Variants in TBC1D25 observed in about 807,000 individuals in gnomAD.
TBC1D25 encodes the protein 5SN3 snoRNA.
In TBC1D25, 13 loss-of-function variants were observed where a neutral mutation model predicts 38.8. The ratio of observed to expected loss-of-function variants is 0.34; its 90% confidence interval spans 0.22 to 0.53. TBC1D25 has a LOEUF of 0.53. Among genes scored for constraint, TBC1D25 ranks in the 20% least tolerant of loss-of-function variants. The probability of loss-of-function intolerance (pLI) is 0.94; values close to 1 mark genes in which losing one functional copy is unlikely to be tolerated. For missense variants in TBC1D25, 372 were observed against 600.0 expected (o/e 0.62, Z 3.97); for synonymous variants, 225 against 255.6 (o/e 0.88, Z 1.14).
At position 48,560,239 on chromosome X, in the gene TBC1D25, A is replaced by G; in HGVS notation, c.1331A>G (p.Glu444Gly). Residue 444 changes from glutamate to glycine, a missense_variant, in exon 6 of 6, where the codon GAG becomes GGG. Physicochemically the swap from Glu to Gly is moderately conservative, Grantham distance 98 (BLOSUM62 -2). Transcript: ENST00000376771. ...CCTGATCCTCCTGAACATGAGGTAG[A>G]GCTGGTTGGACCCCCCAGCCAAGTG... ...LPPDPPEHEV[E>G]LVGPPSQVAD... The G allele has an allele frequency of 8.3e-7, 1 of 1,211,133 alleles. No individual in the cohort carries two copies. The highest frequency in any genetic ancestry group is 1.1e-6 in the Non-Finnish European group (1 of 895,250).
At chrX:48,550,621 C>T (rs1454112873) in intron 3 of TBC1D25, among the ~76,000 whole-genome samples, 2 of 106,985 alleles carry the variant, frequency 1.9e-5, no homozygotes, top group East Asian at 2.9e-4. Flanking sequence ...GGACTACAGG[C>T]GATAAGCTTT....
chrX:48,544,232 TAAC>T (rs1210395763), intron 2 of TBC1D25, among the ~76,000 whole-genome samples: 15 of 111,255 alleles, frequency 1.3e-4, no homozygotes, highest in African/African-American at 4.2e-4. Flanking sequence ...TTGTGAAAAA[TAAC>T]AAACACAGAT....
At chrX:48,542,134 G>A (rs1225216408) in intron 2 of TBC1D25, among the ~76,000 whole-genome samples, 5 of 104,229 alleles carry the variant, frequency 4.8e-5, no homozygotes, top group Non-Finnish European at 7.8e-5. Context: ...AAGTAGCTGG[G>A]ACTACAGGCA....
At chrX:48,547,122 C>T (rs1556982011) in intron 3 of TBC1D25, among the ~76,000 whole-genome samples, 1 of 111,632 alleles carries the variant, frequency 9.0e-6, no homozygotes, top group African/African-American at 3.3e-5. Context: ...AATCATTTTC[C>T]CCATATTATA....
chrX:48,557,472 C>T (rs927512869), intron 3 of TBC1D25, among the ~76,000 whole-genome samples: 9 of 110,093 alleles, frequency 8.2e-5, no homozygotes, highest in Admixed American at 7.8e-4. Flanking sequence ...GGAGACACCC[C>T]GTCTCTACTA....
chrX:48,554,421 G>A (rs1253671511), intron 3 of TBC1D25, among the ~76,000 whole-genome samples: 2 of 108,144 alleles, frequency 1.8e-5, no homozygotes, highest in African/African-American at 3.4e-5. Flanking sequence ...TTAGCCGGGC[G>A]TGGTGGTATG....
Position 48,560,329 on chromosome X carries a change from C to T in TBC1D25, c.1421C>T (p.Ala474Val). 8.3e-7 allele frequency: 1 copy of T among 1,211,604 alleles called. No individual in the cohort carries two copies. The highest frequency in any genetic ancestry group is 1.1e-6 in the Non-Finnish European group (1 of 895,484). ...CGACAGAGGCACATGCTGAGGCCTG[C>T]TGGTGGAGGAGGTAGTACCTTTGAA... ...PVRQRHMLRPAGGGGSTFEDA... is the reference protein window; with the variant it reads ...PVRQRHMLRPVGGGGSTFEDA... The change falls in exon 6 of 6, where the codon GCT (alanine) becomes GTT (valine). Residue 474 changes from alanine to valine, a missense_variant. By Grantham distance (64) the Ala-to-Val change is moderately conservative. This residue lies in a region of TBC1D25 where 312 missense variants were observed against 549.3 expected (regional missense o/e 0.57). Transcript: ENST00000376771.
intron 3 of TBC1D25, among the ~76,000 whole-genome samples, chrX:48,557,108 G>A (rs1556984629): frequency 1.8e-5 from 2 of 108,522 alleles, no homozygotes; most frequent in South Asian, 4.0e-4. Context: ...ACGCCTGTAA[G>A]CCCCAGCTAC....
chrX:48,562,324 T>C lies in TBC1D25; in HGVS notation c.*1349T>C, dbSNP rs939409183. Reference sequence around the variant, plus strand: ...GCATCAGGGCAGTCATCCCTTCTGCTGTTTGCCCCAAGAATGCCATACAAA... The same window carrying C: ...GCATCAGGGCAGTCATCCCTTCTGCCGTTTGCCCCAAGAATGCCATACAAA... On this transcript the variant is annotated 3_prime_UTR_variant, in exon 6 of 6. Coordinates refer to ENST00000376771, the MANE Select transcript of TBC1D25 (RefSeq NM_002536.4). 4.5e-5 allele frequency: 5 copies of C among 112,126 alleles called. No individual in the cohort carries two copies. The highest frequency in any genetic ancestry group is 1.6e-4 in the African/African-American group (5 of 30,866). The allele number at this position is 112,126 out of a possible 1,213,427, so 9.2% of individuals were successfully genotyped here.
chrX:48,546,231 AGGCTGAGCAC>A (rs2061883807), intron 3 of TBC1D25, among the ~76,000 whole-genome samples: 1 of 95,743 alleles, frequency 1.0e-5, no homozygotes, highest in Non-Finnish European at 2.1e-5. Context: ...AAAAAAAAAG[AGGCTGAGCAC>A]GGTGGCTCAC....
intron 2 of TBC1D25, 21 bp downstream of exon 2, chrX:48,541,463 G>T (rs371489239): frequency 3.2e-5 from 38 of 1,196,624 alleles, no homozygotes; most frequent in Non-Finnish European, 4.1e-5. Context: ...AGATGCTGGG[G>T]ACTGGCCAGT....
Position 48,561,125 on chromosome X carries a change from G to GCTCTGCTT in TBC1D25, c.*151_*158dup, listed in dbSNP as rs2062022758. 4.5e-6 allele frequency: 3 copies of GCTCTGCTT among 659,353 alleles called. No homozygotes were observed. Among genetic ancestry groups the GCTCTGCTT allele is most frequent in the East Asian group, 7.2e-5 (2 of 27,929 alleles). 54.3% of individuals were successfully genotyped at this position (659,353 alleles called of 1,213,427 possible). A position where few individuals can be genotyped will look rare whatever the true frequency, so the allele number is the denominator to read the frequency against. On this transcript the variant is annotated 3_prime_UTR_variant, in exon 6 of 6. Coordinates refer to ENST00000376771, the MANE Select transcript of TBC1D25 (RefSeq NM_002536.4). ...TCCTCCCCAGGCCTAAGTATGTGGA[G>GCTCTGCTT]CTCTGCTTTGGCACTGCCCCGCAGA...
At chrX:48,545,967 T>C (rs2061880133) in intron 3 of TBC1D25, among the ~76,000 whole-genome samples, 2 of 110,564 alleles carry the variant, frequency 1.8e-5, no homozygotes, top group Non-Finnish European at 3.8e-5. Flanking sequence ...CCCAGCACTT[T>C]GGGAGGCTGA....
In TBC1D25 at chrX:48,560,413, T is replaced by C; in HGVS notation, c.1505T>C (p.Leu502Pro). 1 of 1,211,462 alleles carries C rather than the reference T, an allele frequency of 8.3e-7. No homozygotes were observed. Among genetic ancestry groups the C allele is most frequent in the Non-Finnish European group, 1.1e-6 (1 of 895,351 alleles). Reference protein sequence around the residue: ...SQGPGGGGRLLRQASLDGLQQ... With the variant: ...SQGPGGGGRLPRQASLDGLQQ... The stretch of plus-strand genomic sequence containing the variant: ...GGGCCTGGTGGTGGGGGGCGTCTCC[T>C]GAGACAGGCCAGCTTGGATGGCCTC... The change falls in exon 6 of 6, where the codon CTG becomes CCG. Residue 502 changes from leucine (L) to proline (P), a missense_variant. Coordinates refer to ENST00000376771, the MANE Select transcript of TBC1D25 (RefSeq NM_002536.4).
intron 3 of TBC1D25, among the ~76,000 whole-genome samples, chrX:48,549,568 C>T (rs1407449855): frequency 8.9e-6 from 1 of 112,780 alleles, no homozygotes; most frequent in Non-Finnish European, 1.9e-5. Context: ...ATGGCGCGAT[C>T]TCGGCTCACT....
At chrX:48,542,231 C>T (rs1239389145) in intron 2 of TBC1D25, among the ~76,000 whole-genome samples, 5 of 101,121 alleles carry the variant, frequency 4.9e-5, no homozygotes, top group African/African-American at 1.8e-4. Context: ...TGCAGTGGCG[C>T]AGTCTCAGCT....
intron 3 of TBC1D25, among the ~76,000 whole-genome samples, chrX:48,553,294 T>A (rs1234258745): frequency 1.8e-5 from 2 of 108,743 alleles, no homozygotes; most frequent in Non-Finnish European, 3.8e-5. Context: ...ACCTTCCCCT[T>A]TGTCTCTCCC....
chrX:48,543,911 CTCA>C (rs2061862711), intron 2 of TBC1D25, among the ~76,000 whole-genome samples: 2 of 108,590 alleles, frequency 1.8e-5, no homozygotes, highest in African/African-American at 6.7e-5. Context: ...AATTTATGAT[CTCA>C]TCAGCAGCAC....
intron 5 of TBC1D25, 121 bp downstream of exon 5, chrX:48,559,467 C>A (rs954998789): frequency 9.2e-7 from 1 of 1,084,725 alleles, no homozygotes; most frequent in Admixed American, 2.9e-5. Context: ...GCACGAAGTT[C>A]TCTTTAAGGA....
Sources: allele counts gnomAD v4.1 joint callset (sites outside exome capture counted in the v4.1 genomes callset), GRCh38; gene constraint gnomAD v4.1.1; regional missense constraint gnomAD v4.1.1; transcripts MANE v1.5; gene names NCBI Gene and HGNC (gene_info 2026-07-23, HGNC 2026-07-21).